Variants in C8orf34 observed in about 807,000 individuals in gnomAD.
C8orf34 encodes chromosome 8 open reading frame 34.
Under a neutral mutation model 68.3 loss-of-function variants are expected in C8orf34, and 65 were observed. That is an observed-to-expected ratio of 0.95 (90% CI 0.78 to 1.17). The LOEUF is 1.17. C8orf34 is among the 50% of genes most tolerant of loss of function. C8orf34 has a pLI of 0.00. For missense variants in C8orf34, 664 were observed against 655.4 expected, an observed-to-expected ratio of 1.01 and a Z score of -0.14; for synonymous variants, 244 against 241.2, an observed-to-expected ratio of 1.01 and a Z score of -0.11.
intron 12 of C8orf34, chr8:68,790,693 A>G (rs2129529121): frequency 2.3e-6 from 1 of 442,520 alleles, no homozygotes; most frequent in South Asian, 6.3e-5. Flanking sequence ...AACTTGTGTC[A>G]GGGTTGTGTT....
intron 7 of C8orf34, among the ~76,000 whole-genome samples, chr8:68,575,956 G>GGTTTTTTTTTTTTTTTT (rs747862590): frequency 1.0e-5 from 1 of 96,348 alleles, no homozygotes. Flanking sequence ...GTAGATGGTT[G>GGTTTTTTTTTTTTTTTT]TTTTTTTTTT....
At chr8:68,698,331 C>T (rs915646674) in intron 8 of C8orf34, among the ~76,000 whole-genome samples, 4 of 151,966 alleles carry the variant, frequency 2.6e-5, no homozygotes, top group Non-Finnish European at 5.9e-5. Flanking sequence ...TATTCTAAAT[C>T]TTATCAAAAG....
At chr8:68,773,423 C>T (rs1049245158) in intron 10 of C8orf34, among the ~76,000 whole-genome samples, 6 of 152,126 alleles carry the variant, frequency 3.9e-5, no homozygotes, top group South Asian at 2.1e-4. Flanking sequence ...TCTTCTGGGA[C>T]GGAGTCTTGC....
chr8:68,460,757 A>C (rs900424964), intron 3 of C8orf34, among the ~76,000 whole-genome samples: 1 of 152,210 alleles, frequency 6.6e-6, no homozygotes, highest in Non-Finnish European at 1.5e-5. Context: ...GAAAACTAAC[A>C]AACAGAAAGG....
chr8:68,613,246 T>C (rs955233432), intron 7 of C8orf34, among the ~76,000 whole-genome samples: 1 of 152,104 alleles, frequency 6.6e-6, no homozygotes, highest in African/African-American at 2.4e-5. Flanking sequence ...TGAATTTATC[T>C]TGTGGAGAAG....
intron 1 of C8orf34, among the ~76,000 whole-genome samples, chr8:68,419,514 A>T (rs1809846670): frequency 6.6e-6 from 1 of 151,956 alleles, no homozygotes; most frequent in Non-Finnish European, 1.5e-5. Context: ...TGCTGCTATA[A>T]AGACACTTGC....
At position 68,818,666 on chromosome 8, in the gene C8orf34, C is replaced by T. The variant is rs1180476363; in HGVS notation, c.*420C>T. ...TAGATTACTAAACATTCTACTTATC[C>T]ACATGTGCCAAGATGTGCCATTTAG... On this transcript the variant is annotated 3_prime_UTR_variant, in exon 14 of 14. Coordinates refer to ENST00000518698, the MANE Select transcript of C8orf34 (RefSeq NM_052958.4). 1 of 156,252 alleles carries T rather than the reference C, an allele frequency of 6.4e-6. No individual in the cohort carries two copies. The highest frequency in any genetic ancestry group is 1.4e-5 in the Non-Finnish European group (1 of 70,842). The allele number at this position is 156,252 out of a possible 1,614,324, so 9.7% of individuals were successfully genotyped here. A position where few individuals can be genotyped will look rare whatever the true frequency, so the allele number is the denominator to read the frequency against.
chr8:68,341,202 T>C (rs80161135), intron 1 of C8orf34, among the ~76,000 whole-genome samples: 6,434 of 152,294 alleles, frequency 0.042, 193 homozygotes, highest in South Asian at 0.063. Context: ...TCTGTGTGTC[T>C]TCACATGGAA....
chr8:68,444,634 C>A (rs1174388792), intron 2 of C8orf34, among the ~76,000 whole-genome samples: 2 of 152,046 alleles, frequency 1.3e-5, no homozygotes, highest in Non-Finnish European at 2.9e-5. Flanking sequence ...GAGGTGAAAT[C>A]ATGTTTACTA....
chr8:68,381,566 A>G (rs1808034553), intron 1 of C8orf34, among the ~76,000 whole-genome samples: 2 of 150,610 alleles, frequency 1.3e-5, no homozygotes. Flanking sequence ...CCCCGTCTCT[A>G]CTAAAAATAC....
chr8:68,361,705 G>A (rs1435827232), intron 1 of C8orf34, among the ~76,000 whole-genome samples: 1 of 152,054 alleles, frequency 6.6e-6, no homozygotes, highest in African/African-American at 2.4e-5. Context: ...TAACTATATT[G>A]TTGGCTTTTT....
intron 12 of C8orf34, among the ~76,000 whole-genome samples, chr8:68,803,610 A>T (rs572630436): frequency 1.3e-5 from 2 of 152,252 alleles, no homozygotes; most frequent in African/African-American, 4.8e-5. Flanking sequence ...TTTCTACGAT[A>T]ATCAAATGAG....
intron 1 of C8orf34, among the ~76,000 whole-genome samples, chr8:68,370,836 C>G (rs962009548): frequency 6.6e-6 from 1 of 152,128 alleles, no homozygotes; most frequent in Non-Finnish European, 1.5e-5. Context: ...GGTCTAACAT[C>G]CTTAGAATCC....
chr8:68,618,020 G>T (rs1442310173), intron 7 of C8orf34, among the ~76,000 whole-genome samples: 5 of 151,644 alleles, frequency 3.3e-5, no homozygotes, highest in Admixed American at 3.3e-4. Flanking sequence ...TTTTTCTATT[G>T]TGTTTTTTTA....
At chr8:68,479,296 G>A (rs1005966641) in intron 4 of C8orf34, among the ~76,000 whole-genome samples, 1 of 151,946 alleles carries the variant, frequency 6.6e-6, no homozygotes, top group African/African-American at 2.4e-5. Context: ...TGGAAGAGAA[G>A]ATGTGAAAAG....
At chr8:68,382,103 CATG>C (rs1355493670) in intron 1 of C8orf34, among the ~76,000 whole-genome samples, 1 of 152,120 alleles carries the variant, frequency 6.6e-6, no homozygotes, top group Non-Finnish European at 1.5e-5. Context: ...TCCATAAGTA[CATG>C]ATAACATATT....
rs866714566 is a variant in C8orf34, at chr8:68,417,901, A to C, written c.328-21598A>C. 2.4e-3 allele frequency among the ~76,000 whole-genome samples: 361 copies of C among 150,818 alleles called. 2 individuals carry two copies. Among genetic ancestry groups the C allele is most frequent in the African/African-American group, 8.0e-3 (323 of 40,570 alleles). On this transcript the variant is annotated intron_variant, in intron 1 of 13. Coordinates refer to ENST00000518698, the MANE Select transcript of C8orf34 (RefSeq NM_052958.4). ...ACCTTGGGCAGTATGGCCATTTTCA[A>C]GATATTGATTCTTCCTACCCATGAG...
chr8:68,664,730 C>T (rs964522237), intron 8 of C8orf34, among the ~76,000 whole-genome samples: 2 of 152,124 alleles, frequency 1.3e-5, no homozygotes, highest in African/African-American at 4.8e-5. Flanking sequence ...AGTTCATCCA[C>T]AGAGAGAACA....
intron 13 of C8orf34, 52 bp from the exon 14 acceptor site, chr8:68,818,187 A>T: frequency 6.3e-7 from 1 of 1,594,840 alleles, no homozygotes; most frequent in Non-Finnish European, 8.6e-7. Context: ...ATATGCTATA[A>T]TGTAAACATG....
Sources: gnomAD v4.1 joint callset for allele counts (sites outside exome capture counted in the v4.1 genomes callset) on GRCh38, gnomAD v4.1.1 for gene constraint, MANE v1.5 for transcripts, NCBI Gene and HGNC (gene_info 2026-07-23, HGNC 2026-07-21) for gene names.